The following PTPN4 variants were observed in gnomAD, a reference collection of about 807,000 sequenced individuals.
PTPN4 encodes the protein protein tyrosine phosphatase non-receptor type 4.
In PTPN4, 49 loss-of-function variants were observed where a neutral mutation model predicts 135.5. The ratio of observed to expected loss-of-function variants is 0.36; its 90% CI spans 0.29 to 0.46. The LOEUF is 0.46. PTPN4 is among the 20% of genes least tolerant of loss of function. The pLI is 1.00. For missense variants in PTPN4, 860 were observed against 1,101.0 expected (o/e 0.78, Z 3.10); for synonymous variants, 333 against 369.9 (o/e 0.90, Z 1.14).
chr2:119,959,182 T>C (rs187030296), intron 22 of PTPN4, among the ~76,000 whole-genome samples: 77 of 151,878 alleles, frequency 5.1e-4, no homozygotes, highest in African/African-American at 1.8e-3. Context: ...TAGTCAAATT[T>C]GCAAATAGAG....
intron 20 of PTPN4, 52 bp downstream of exon 20, chr2:119,955,375 G>C (rs1354855706): frequency 4.4e-6 from 6 of 1,364,230 alleles, no homozygotes; most frequent in Middle Eastern, 2.2e-4. Context: ...TTGCTAACTA[G>C]TTTCATAGTT....
Position 119,982,219 on chromosome 2 carries a change from G to C in PTPN4, c.*5149G>C, listed in dbSNP as rs1165109738. 6.6e-6 allele frequency: 1 copy of C among 152,140 alleles called. No homozygotes were observed. Among genetic ancestry groups the C allele is most frequent in the African/African-American group, 2.4e-5 (1 of 41,436 alleles). 9.4% of individuals were successfully genotyped at this position (152,140 alleles called of 1,614,324 possible). On this transcript the variant is annotated 3_prime_UTR_variant, in exon 27 of 27. Coordinates refer to ENST00000263708, the MANE Select transcript of PTPN4 (RefSeq NM_002830.4). ...CTGTAGAGTTTCCTACCTTTGTTGT[G>C]TAAAGGATATAGAAAATATTTTTCT... is the stretch of plus-strand genomic sequence containing the variant.
chr2:119,971,943 G>A (rs1679540226), intron 26 of PTPN4, among the ~76,000 whole-genome samples: 1 of 152,296 alleles, frequency 6.6e-6, no homozygotes, highest in African/African-American at 2.4e-5. Flanking sequence ...TCAAAAATCA[G>A]TTGAGCACAA....
At chr2:119,941,994 A>G (rs1679068239) in intron 15 of PTPN4, among the ~76,000 whole-genome samples, 3 of 152,210 alleles carry the variant, frequency 2.0e-5, no homozygotes, top group African/African-American at 7.2e-5. Context: ...CGGAGCTTCC[A>G]GATTTTTCAT....
At chr2:119,846,549 C>CT (rs1341798737) in intron 2 of PTPN4, among the ~76,000 whole-genome samples, 2 of 146,282 alleles carry the variant, frequency 1.4e-5, no homozygotes, top group African/African-American at 5.3e-5. Context: ...ATACTTGCGT[C>CT]TTATTTTTTT....
At chr2:119,843,741 G>A (rs1470098709) in intron 2 of PTPN4, among the ~76,000 whole-genome samples, 2 of 52,316 alleles carry the variant, frequency 3.8e-5, no homozygotes, top group African/African-American at 1.9e-4. Context: ...GGCTGGCCGG[G>A]CGGGGGGGCT....
intron 1 of PTPN4, among the ~76,000 whole-genome samples, chr2:119,790,183 A>AT (rs996780145): frequency 5.9e-5 from 9 of 151,456 alleles, no homozygotes; most frequent in South Asian, 2.1e-4. Context: ...GATTCTATAT[A>AT]TTTTTTTTGT....
chr2:119,931,433 C>CTTTTTTTTTTT (rs1158907026), intron 13 of PTPN4, among the ~76,000 whole-genome samples: 12 of 83,358 alleles, frequency 1.4e-4, no homozygotes, highest in African/African-American at 2.0e-4. Flanking sequence ...TTCTTTCTTT[C>CTTTTTTTTTTT]TTTTTTTTTT....
At chr2:119,804,670 A>G (rs1195396667) in intron 1 of PTPN4, among the ~76,000 whole-genome samples, 1 of 152,150 alleles carries the variant, frequency 6.6e-6, no homozygotes, top group Non-Finnish European at 1.5e-5. Flanking sequence ...TTCTTAATCT[A>G]GTCTATCATA....
chr2:119,926,508 A>AAG (rs1678826437), intron 12 of PTPN4, 90 bp from the exon 13 acceptor site: 1 of 812,500 alleles, frequency 1.2e-6, no homozygotes, highest in Non-Finnish European at 1.9e-6. Context: ...CTTGTCTCTT[A>AAG]GGAAGTTACA....
intron 9 of PTPN4, among the ~76,000 whole-genome samples, chr2:119,895,680 G>A (rs192589879): frequency 0.014 from 2,195 of 152,210 alleles, 48 homozygotes; most frequent in African/African-American, 0.05. Flanking sequence ...CCAGCACTTT[G>A]GGAGGCCAAG....
intron 1 of PTPN4, among the ~76,000 whole-genome samples, chr2:119,761,688 T>C (rs947025364): frequency 2.0e-5 from 3 of 152,202 alleles, no homozygotes; most frequent in Non-Finnish European, 2.9e-5. Context: ...ACACGCACGG[T>C]CCCATAGTAT....
chr2:119,765,748 A>G (rs1690603132), intron 1 of PTPN4, among the ~76,000 whole-genome samples: 1 of 152,234 alleles, frequency 6.6e-6, no homozygotes, highest in Non-Finnish European at 1.5e-5. Context: ...GCATTTGAAT[A>G]TGGTCTTGGA....
intron 26 of PTPN4, among the ~76,000 whole-genome samples, chr2:119,973,965 C>G (rs1679576979): frequency 6.6e-6 from 1 of 152,034 alleles, no homozygotes. Context: ...TCTTTATTAG[C>G]TGGACTACTT....
In PTPN4 at chr2:119,983,942, G is replaced by C. The variant is rs910278408; in HGVS notation, c.*6872G>C. 7 of 152,138 alleles carry C rather than the reference G, an allele frequency of 4.6e-5. No homozygotes were observed. Among genetic ancestry groups the C allele is most frequent in the African/African-American group, 1.7e-4 (7 of 41,436 alleles). 9.4% of individuals were successfully genotyped at this position (152,138 alleles called of 1,614,324 possible). ...TTTTCAGTGTAGTACCTAGGGTGAA[G>C]TAGATGCTGCACAAGTAAGTTTAAG... is the stretch of plus-strand genomic sequence containing the variant. On this transcript the variant is annotated 3_prime_UTR_variant, in exon 27 of 27. Coordinates refer to ENST00000263708, the MANE Select transcript of PTPN4 (RefSeq NM_002830.4).
intron 1 of PTPN4, among the ~76,000 whole-genome samples, chr2:119,788,448 A>G (rs1475474219): frequency 1.3e-5 from 2 of 152,226 alleles, no homozygotes; most frequent in Non-Finnish European, 2.9e-5. Context: ...TATGAATAGC[A>G]TAAAATTTAC....
chr2:119,801,201 C>T (rs1380641055), intron 1 of PTPN4, among the ~76,000 whole-genome samples: 1 of 152,166 alleles, frequency 6.6e-6, no homozygotes, highest in Non-Finnish European at 1.5e-5. Flanking sequence ...GATTCTCCTG[C>T]CTTAGCCTAC....
At chr2:119,823,889 G>A (rs897142677) in intron 2 of PTPN4, among the ~76,000 whole-genome samples, 3 of 152,166 alleles carry the variant, frequency 2.0e-5, no homozygotes, top group Non-Finnish European at 2.9e-5. Context: ...ACTCACTCTC[G>A]AAGAACTTTT....
intron 2 of PTPN4, among the ~76,000 whole-genome samples, chr2:119,845,059 C>T (rs1163263091): frequency 7.4e-5 from 11 of 149,358 alleles, no homozygotes; most frequent in East Asian, 3.9e-4. Context: ...GAGACCGGCC[C>T]GGCCAACACA....
Sources: gnomAD v4.1 joint callset for allele counts (sites outside exome capture counted in the v4.1 genomes callset) on GRCh38, gnomAD v4.1.1 for gene constraint, MANE v1.5 for transcripts, NCBI Gene and HGNC (gene_info 2026-07-23, HGNC 2026-07-21) for gene names.